BICD1: variants seen among roughly 807,000 people sequenced by gnomAD.
The protein encoded by BICD1 is BICD cargo adaptor 1, also known as protein bicaudal D homolog 1.
BICD1 carries 35 observed loss-of-function variants against 92.5 expected under a neutral mutation model. That is an observed-to-expected ratio of 0.38 (90% confidence interval 0.29 to 0.50). The LOEUF (loss-of-function observed/expected upper bound fraction) is 0.50. Ranked by LOEUF, BICD1 falls within the 20% of genes least tolerant of loss-of-function variation. The probability of loss-of-function intolerance (pLI) is 0.93; values close to 1 mark genes in which losing one functional copy is unlikely to be tolerated. For missense variants in BICD1, 950 were observed against 1,189.8 expected (o/e 0.80, Z 2.97); for synonymous variants, 429 against 465.1 (o/e 0.92, Z 1.00).
intron 9 of BICD1, 104 bp downstream of exon 9, chr12:32,367,849 C>A: frequency 9.4e-7 from 1 of 1,066,886 alleles, no homozygotes; most frequent in East Asian, 2.6e-5. Context: ...TTGTATTTTG[C>A]TGTATTTTAT....
At chr12:32,323,403 A>T (rs1041829875) in intron 4 of BICD1, among the ~76,000 whole-genome samples, 3 of 152,094 alleles carry the variant, frequency 2.0e-5, no homozygotes, top group Admixed American at 6.5e-5. Context: ...AAATTCACTA[A>T]CTCACTTCAT....
chr12:32,337,435 G>T lies in BICD1; in HGVS notation c.2253-64G>T, dbSNP rs2388987. 2 of 1,474,512 alleles carry T rather than the reference G, an allele frequency of 1.4e-6. No individual in the cohort carries two copies. Among genetic ancestry groups the T allele is most frequent in the South Asian group, 2.6e-5 (2 of 77,718 alleles). 91.3% of individuals were successfully genotyped at this position (1,474,512 alleles called of 1,614,324 possible). A position where few individuals can be genotyped will look rare whatever the true frequency, so the allele number is the denominator to read the frequency against. Reference sequence around the variant, plus strand: ...TTTCGGTCAAATTTATTACTTTTCAGCTTAACTCCCAAATTCAGTTTCACC... The same window carrying T: ...TTTCGGTCAAATTTATTACTTTTCATCTTAACTCCCAAATTCAGTTTCACC... On this transcript the variant is annotated intron_variant, in intron 6 of 9. Transcript: ENST00000652176. The surrounding 1 kb of genome is among the most constrained non-coding windows in gnomAD (Gnocchi z 4.7).
At chr12:32,344,585 A>G (rs192309922) in intron 8 of BICD1, among the ~76,000 whole-genome samples, 3 of 152,280 alleles carry the variant, frequency 2.0e-5, no homozygotes, top group East Asian at 3.9e-4. Context: ...CAAAACTGTG[A>G]GGAATAGGAA....
chr12:32,112,594 C>T (rs1446693490), intron 1 of BICD1, among the ~76,000 whole-genome samples: 1 of 152,166 alleles, frequency 6.6e-6, no homozygotes, highest in Non-Finnish European at 1.5e-5. Context: ...TAAGATTCCA[C>T]CTGTAATTAT....
At chr12:32,132,940 GAT>G (rs1377395785) in intron 1 of BICD1, among the ~76,000 whole-genome samples, 1 of 152,128 alleles carries the variant, frequency 6.6e-6, no homozygotes, top group Non-Finnish European at 1.5e-5. Flanking sequence ...GAAGTGATCT[GAT>G]TCAGGGTATA....
intron 2 of BICD1, among the ~76,000 whole-genome samples, chr12:32,271,833 T>C (rs972753071): frequency 6.6e-6 from 1 of 152,330 alleles, no homozygotes; most frequent in South Asian, 2.1e-4. Flanking sequence ...CATATTTTAT[T>C]GTTTCCTTTC....
At chr12:32,308,850 G>A (rs1223477114) in intron 4 of BICD1, among the ~76,000 whole-genome samples, 1 of 152,090 alleles carries the variant, frequency 6.6e-6, no homozygotes, top group Non-Finnish European at 1.5e-5. Flanking sequence ...GATGTAGAGG[G>A]GCGCAGGTAG....
At chr12:32,164,475 T>A (rs1451284029) in intron 1 of BICD1, among the ~76,000 whole-genome samples, 1 of 152,234 alleles carries the variant, frequency 6.6e-6, no homozygotes, top group African/African-American at 2.4e-5. Flanking sequence ...TATCTTTGTC[T>A]CTTTCTCTTT....
chr12:32,139,636 C>T (rs1942840592), intron 1 of BICD1, among the ~76,000 whole-genome samples: 1 of 152,190 alleles, frequency 6.6e-6, no homozygotes, highest in African/African-American at 2.4e-5. Flanking sequence ...AATCTCGGCT[C>T]ACTGCAACCT....
At chr12:32,253,020 C>A (rs1002857249) in intron 2 of BICD1, among the ~76,000 whole-genome samples, 2 of 152,012 alleles carry the variant, frequency 1.3e-5, no homozygotes, top group Non-Finnish European at 2.9e-5. Flanking sequence ...GTAGCTGGGA[C>A]TACAGGTGCA....
intron 2 of BICD1, among the ~76,000 whole-genome samples, chr12:32,243,849 G>A (rs1946301140): frequency 6.6e-6 from 1 of 151,986 alleles, no homozygotes; most frequent in South Asian, 2.1e-4. Flanking sequence ...TACTTTCAAT[G>A]TGTTCATCTA....
At chr12:32,196,502 A>G (rs923313283) in intron 1 of BICD1, among the ~76,000 whole-genome samples, 1 of 152,238 alleles carries the variant, frequency 6.6e-6, no homozygotes, top group Non-Finnish European at 1.5e-5. Context: ...CCTGGAGGAC[A>G]TGATGGTAAG....
chr12:32,351,909 GA>G (rs1395621932), intron 8 of BICD1, among the ~76,000 whole-genome samples: 70 of 122,100 alleles, frequency 5.7e-4, no homozygotes, highest in Admixed American at 6.2e-4. Context: ...ACTCTGTCTC[GA>G]AAAAAAAAAA....
At chr12:32,357,512 C>G (rs1440869416) in intron 8 of BICD1, among the ~76,000 whole-genome samples, 3 of 152,182 alleles carry the variant, frequency 2.0e-5, no homozygotes, top group Non-Finnish European at 4.4e-5. Flanking sequence ...ACTGCTTCTA[C>G]TTTGGAGCAA....
chr12:32,181,342 C>A (rs1310599377), intron 1 of BICD1, among the ~76,000 whole-genome samples: 1 of 151,554 alleles, frequency 6.6e-6, no homozygotes, highest in Non-Finnish European at 1.5e-5. Flanking sequence ...ATCGCTTGGA[C>A]CTGGGAGGCA....
In BICD1 at chr12:32,382,147, A is replaced by G. The variant is rs1057123413; in HGVS notation, c.*4520A>G. On this transcript the variant is annotated 3_prime_UTR_variant, in exon 10 of 10. Transcript: ENST00000652176. Reference sequence around the variant, plus strand: ...TTATTTATATGCGAACTTAACTGCCATAGTCCCTAATGTATTGCGTTTGTA... The same window carrying G: ...TTATTTATATGCGAACTTAACTGCCGTAGTCCCTAATGTATTGCGTTTGTA... 2 of 152,092 alleles carry G rather than the reference A, an allele frequency of 1.3e-5. No individual in the cohort carries two copies. The highest frequency in any genetic ancestry group is 4.8e-5 in the African/African-American group (2 of 41,440). 9.4% of individuals were successfully genotyped at this position (152,092 alleles called of 1,614,324 possible).
chr12:32,342,204 G>GTATATATATA lies in BICD1; in HGVS notation c.2764+3245_2764+3254dup, dbSNP rs3075972. 1.3e-3 allele frequency among the ~76,000 whole-genome samples: 160 copies of GTATATATATA among 119,310 alleles called. 2 individuals carry two copies. Among genetic ancestry groups the GTATATATATA allele is most frequent in the Middle Eastern group, 0.014 (2 of 144 alleles). The allele number at this position is 119,310 out of a possible 152,430, so 78.3% of individuals were successfully genotyped here. On this transcript the variant is annotated intron_variant, in intron 8 of 9. Coordinates refer to ENST00000652176, the MANE Select transcript of BICD1 (RefSeq NM_001714.4). ...TGTGTATATATATATGTGTGTGTGT[G>GTATATATATA]TATATATATATATATATATATATAT... is the stretch of plus-strand genomic sequence containing the variant.
chr12:32,221,022 C>G (rs1768839566), intron 2 of BICD1, among the ~76,000 whole-genome samples: 2 of 142,634 alleles, frequency 1.4e-5, no homozygotes, highest in African/African-American at 5.3e-5. Flanking sequence ...CATATTCTCA[C>G]TCATAGGTGG....
At chr12:32,295,395 CCT>C (rs1947840246) in intron 3 of BICD1, among the ~76,000 whole-genome samples, 1 of 152,160 alleles carries the variant, frequency 6.6e-6, no homozygotes, top group Non-Finnish European at 1.5e-5. Context: ...GCTGTTGCCA[CCT>C]CTCAGTTCAG....
Sources: allele counts gnomAD v4.1 joint callset (sites outside exome capture counted in the v4.1 genomes callset), GRCh38; gene constraint gnomAD v4.1.1; non-coding constraint Gnocchi (gnomAD v3.1); transcripts MANE v1.5; gene names NCBI Gene and HGNC (gene_info 2026-07-23, HGNC 2026-07-21).